The following ANKS1B variants were observed in gnomAD, a reference collection of about 807,000 sequenced individuals.
ANKS1B encodes ankyrin repeat and sterile alpha motif domain containing 1B, also known as ankyrin repeat and sterile alpha motif domain-containing protein 1B.
Under a neutral mutation model 148.3 loss-of-function variants are expected in ANKS1B, and 36 were observed. The ratio of observed to expected loss-of-function variants is 0.24; its 90% CI spans 0.19 to 0.32. The LOEUF (loss-of-function observed/expected upper bound fraction) is 0.32. Among genes scored for constraint, ANKS1B ranks in the 10% least tolerant of loss-of-function variants. ANKS1B has a pLI of 1.00. For missense variants in ANKS1B, 1,157 were observed against 1,542.6 expected, an observed-to-expected ratio of 0.75 and a Z score of 4.19; for synonymous variants, 542 against 560.8, an observed-to-expected ratio of 0.97 and a Z score of 0.47.
chr12:98,979,392 C>A (rs2099905286), intron 17 of ANKS1B, among the ~76,000 whole-genome samples: 1 of 151,204 alleles, frequency 6.6e-6, no homozygotes, highest in Non-Finnish European at 1.5e-5. Context: ...CTCAGCCTCC[C>A]AAGAAGCTGG....
chr12:98,888,859 A>G (rs1299097837), intron 17 of ANKS1B, among the ~76,000 whole-genome samples: 1 of 152,122 alleles, frequency 6.6e-6, no homozygotes, highest in Non-Finnish European at 1.5e-5. Context: ...TTATTTATTT[A>G]CTTCCTTTGT....
intron 1 of ANKS1B, among the ~76,000 whole-genome samples, chr12:99,881,297 A>G (rs150995986): frequency 1.6e-4 from 25 of 152,284 alleles, no homozygotes; most frequent in African/African-American, 5.5e-4. Context: ...TCTCTCTTTC[A>G]TGCCTCAGTC....
At chr12:98,769,522 G>C (rs575302249) in intron 25 of ANKS1B, among the ~76,000 whole-genome samples, 1 of 152,218 alleles carries the variant, frequency 6.6e-6, no homozygotes, top group South Asian at 2.1e-4. Context: ...TGGATGAAAA[G>C]ATAAATGTTA....
intron 8 of ANKS1B, among the ~76,000 whole-genome samples, chr12:99,730,419 G>A (rs968837211): frequency 3.9e-5 from 6 of 152,188 alleles, no homozygotes; most frequent in African/African-American, 1.4e-4. Flanking sequence ...GGGGGCCAGA[G>A]AGGGTAGAAG....
At chr12:99,325,406 G>A (rs1481248914) in intron 12 of ANKS1B, among the ~76,000 whole-genome samples, 1 of 152,106 alleles carries the variant, frequency 6.6e-6, no homozygotes, top group Non-Finnish European at 1.5e-5. Flanking sequence ...TTTACAAATG[G>A]ATAGCTCATT....
At chr12:99,421,315 C>A (rs533012643) in intron 11 of ANKS1B, among the ~76,000 whole-genome samples, 1 of 152,088 alleles carries the variant, frequency 6.6e-6, no homozygotes, top group South Asian at 2.1e-4. Flanking sequence ...AAGAGGAAAT[C>A]AATAGGTTCG....
chr12:99,423,538 C>T (rs546041862), intron 11 of ANKS1B, among the ~76,000 whole-genome samples: 10 of 152,196 alleles, frequency 6.6e-5, no homozygotes, highest in Middle Eastern at 3.4e-3. Flanking sequence ...TGCACTTGCA[C>T]GTTCACTGCA....
intron 17 of ANKS1B, among the ~76,000 whole-genome samples, chr12:98,911,386 C>T (rs1238780379): frequency 6.6e-6 from 1 of 152,038 alleles, no homozygotes; most frequent in Admixed American, 6.6e-5. Context: ...ACTGTATGGC[C>T]CTGAGAAACT....
chr12:99,371,836 G>T (rs1205296360), intron 12 of ANKS1B, among the ~76,000 whole-genome samples: 1 of 151,986 alleles, frequency 6.6e-6, no homozygotes, highest in African/African-American at 2.4e-5. Context: ...TATATAATAA[G>T]AATAAATTAT....
In ANKS1B at chr12:99,498,223, T is replaced by A. The variant is rs186648771; in HGVS notation, c.1438+6253A>T. ...TCCAATCTATACTCTATACTCCACATTGCTTCTAGAGGGATCATTCTAAAA... is the reference window on the plus strand; with the variant it reads ...TCCAATCTATACTCTATACTCCACAATGCTTCTAGAGGGATCATTCTAAAA... On this transcript the variant is annotated intron_variant, in intron 10 of 26. Coordinates refer to ENST00000683438, the MANE Select transcript of ANKS1B (RefSeq NM_001352186.2). Among the ~76,000 whole-genome samples, 6 of 152,354 alleles carry A rather than the reference T, an allele frequency of 3.9e-5. No homozygotes were observed. In the East Asian group the frequency reaches 1.2e-3, roughly 29 times the overall value.
rs1479049220 is a variant in ANKS1B, at chr12:98,745,350, TA to T, written c.*388del. 8 of 987,610 alleles carry T rather than the reference TA, an allele frequency of 8.1e-6. No individual in the cohort carries two copies. In the East Asian group the frequency reaches 9.1e-4, roughly 112 times the overall value. 61.2% of individuals were successfully genotyped at this position (987,610 alleles called of 1,614,324 possible). On this transcript the variant is annotated 3_prime_UTR_variant, in exon 27 of 27. Coordinates refer to ENST00000683438, the MANE Select transcript of ANKS1B (RefSeq NM_001352186.2). ...ACTGCTGACAGTGAAAGCATACTTT[TA>T]GGCAGTATTAGAGATCCCCTTTACT...
chr12:99,281,004 G>A (rs1299249466), intron 12 of ANKS1B, among the ~76,000 whole-genome samples: 2 of 151,758 alleles, frequency 1.3e-5, no homozygotes, highest in African/African-American at 2.4e-5. Context: ...TAACACATGA[G>A]CCTAAACCAT....
At chr12:99,919,072 A>G (rs534297578) in intron 1 of ANKS1B, among the ~76,000 whole-genome samples, 84 of 152,340 alleles carry the variant, frequency 5.5e-4, no homozygotes, top group Non-Finnish European at 9.3e-4. Context: ...ATCATTTAGC[A>G]TCACCTGTCC....
chr12:98,907,583 G>A (rs962046846), intron 17 of ANKS1B, among the ~76,000 whole-genome samples: 2 of 152,172 alleles, frequency 1.3e-5, no homozygotes, highest in Non-Finnish European at 2.9e-5. Context: ...GGGGAGTCTC[G>A]ACATGGACGG....
intron 9 of ANKS1B, among the ~76,000 whole-genome samples, chr12:99,645,689 G>A (rs1298919117): frequency 2.0e-5 from 3 of 152,270 alleles, no homozygotes; most frequent in South Asian, 2.1e-4. Context: ...TTAATCTCAA[G>A]TTCAGGTAGT....
intron 12 of ANKS1B, among the ~76,000 whole-genome samples, chr12:99,380,658 T>C (rs77424969): frequency 0.017 from 2,556 of 152,326 alleles, 76 homozygotes; most frequent in African/African-American, 0.058. Context: ...TTTGTTGATA[T>C]ATTGATTAGA....
intron 17 of ANKS1B, among the ~76,000 whole-genome samples, chr12:98,887,284 G>A (rs576456132): frequency 1.3e-5 from 2 of 152,264 alleles, no homozygotes; most frequent in Non-Finnish European, 2.9e-5. Flanking sequence ...TACTGTTAAC[G>A]CTAAGGAAGC....
intron 9 of ANKS1B, among the ~76,000 whole-genome samples, chr12:99,607,905 T>C (rs1338949506): frequency 1.3e-5 from 2 of 152,034 alleles, no homozygotes; most frequent in Non-Finnish European, 2.9e-5. Flanking sequence ...TTATAAAGGA[T>C]GTGGACTAGA....
chr12:99,289,094 A>C (rs544739433), intron 12 of ANKS1B, among the ~76,000 whole-genome samples: 1 of 152,266 alleles, frequency 6.6e-6, no homozygotes, highest in African/African-American at 2.4e-5. Context: ...TGCAAATGAA[A>C]GCCAAAAAAA....
Sources: allele counts gnomAD v4.1 joint callset (sites outside exome capture counted in the v4.1 genomes callset), GRCh38; gene constraint gnomAD v4.1.1; transcripts MANE v1.5; gene names NCBI Gene and HGNC (gene_info 2026-07-23, HGNC 2026-07-21).